Variants in NEGR1 observed in about 807,000 individuals in gnomAD.
NEGR1 encodes the protein neuronal growth regulator 1, also known as IgLON family member 4.
In NEGR1, 10 loss-of-function variants were observed where a neutral mutation model predicts 40.9. The ratio of observed to expected loss-of-function variants is 0.24; its 90% CI spans 0.15 to 0.42. The LOEUF (loss-of-function observed/expected upper bound fraction) is 0.42, where lower values mean the gene tolerates loss of function less well. NEGR1 is among the 10% of genes least tolerant of loss of function. NEGR1 has a pLI of 1.00. For missense variants in NEGR1, 352 were observed against 438.9 expected (o/e 0.80, Z 1.77); for synonymous variants, 185 against 166.8 (o/e 1.11, Z -0.84).
chr1:72,228,282 T>C (rs986308874), intron 1 of NEGR1, among the ~76,000 whole-genome samples: 1 of 152,148 alleles, frequency 6.6e-6, no homozygotes, highest in Admixed American at 6.6e-5. Context: ...GCCCATCTGT[T>C]TGAGGGCCTT....
intron 1 of NEGR1, among the ~76,000 whole-genome samples, chr1:72,041,464 G>A (rs966070069): frequency 3.0e-5 from 4 of 132,514 alleles, no homozygotes; most frequent in African/African-American, 5.7e-5. Flanking sequence ...AAAGTTGCAC[G>A]TTCCATTAAA....
chr1:71,592,674 G>A, intron 6 of NEGR1, 143 bp downstream of exon 6: 1 of 590,266 alleles, frequency 1.7e-6, no homozygotes, highest in Non-Finnish European at 2.9e-6. Context: ...GTTTCCATGT[G>A]TAAGGATTGC....
chr1:71,970,448 T>C (rs1300946513), intron 1 of NEGR1, among the ~76,000 whole-genome samples: 2 of 152,160 alleles, frequency 1.3e-5, no homozygotes, highest in African/African-American at 2.4e-5. Context: ...GCCAGCACTT[T>C]GAGAAGTTGA....
chr1:71,868,559 G>A (rs145214573), intron 2 of NEGR1, among the ~76,000 whole-genome samples: 34 of 151,898 alleles, frequency 2.2e-4, no homozygotes, highest in African/African-American at 8.2e-4. Flanking sequence ...TCACTTCCAG[G>A]AACTTGCAAG....
intron 5 of NEGR1, among the ~76,000 whole-genome samples, chr1:71,607,031 A>C (rs1369922278): frequency 6.6e-6 from 1 of 152,236 alleles, no homozygotes; most frequent in African/African-American, 2.4e-5. Context: ...CTTACATAGA[A>C]GTAAAGCGAT....
chr1:71,419,374 T>C lies in NEGR1; in HGVS notation c.941-11804A>G, dbSNP rs371004318. Among the ~76,000 whole-genome samples the C allele has an allele frequency of 1.2e-4, 18 of 152,228 alleles. No individual in the cohort carries two copies. The South Asian group carries it at 1.7e-3, about 14-fold the overall frequency. On this transcript the variant is annotated intron_variant, in intron 6 of 6. Coordinates refer to ENST00000357731, the MANE Select transcript of NEGR1 (RefSeq NM_173808.3). ...CACAGAAAATTAATTTGGATAAATA[T>C]ATCTGTTGAAAGTAAACAGTTATCT...
intron 1 of NEGR1, among the ~76,000 whole-genome samples, chr1:72,171,830 A>C (rs1031550174): frequency 2.0e-5 from 3 of 152,190 alleles, no homozygotes; most frequent in African/African-American, 7.2e-5. Flanking sequence ...AACACCAAAT[A>C]ATGTTTTAAA....
At chr1:72,273,641 T>C (rs1195502810) in intron 1 of NEGR1, among the ~76,000 whole-genome samples, 1 of 151,958 alleles carries the variant, frequency 6.6e-6, no homozygotes, top group East Asian at 1.9e-4. Context: ...AAGAATACTT[T>C]ACCTTTATTA....
intron 6 of NEGR1, among the ~76,000 whole-genome samples, chr1:71,562,316 G>T (rs1557568005): frequency 6.6e-6 from 1 of 151,810 alleles, no homozygotes; most frequent in Non-Finnish European, 1.5e-5. Flanking sequence ...AATCTAGAAA[G>T]ATCTTATTTC....
chr1:71,938,226 CA>C (rs1226953670), intron 1 of NEGR1, among the ~76,000 whole-genome samples: 1 of 151,874 alleles, frequency 6.6e-6, no homozygotes, highest in Non-Finnish European at 1.5e-5. Flanking sequence ...ATAAATAACC[CA>C]AATTACCATA....
intron 4 of NEGR1, among the ~76,000 whole-genome samples, chr1:71,627,994 G>A (rs893596389): frequency 3.3e-5 from 5 of 152,048 alleles, no homozygotes; most frequent in Non-Finnish European, 7.4e-5. Context: ...CATGTCAGGA[G>A]GGTGTTATGA....
chr1:71,694,286 A>G (rs1653398745), intron 4 of NEGR1, among the ~76,000 whole-genome samples: 2 of 151,188 alleles, frequency 1.3e-5, no homozygotes, highest in African/African-American at 4.8e-5. Flanking sequence ...ACAAGGTTTA[A>G]TTATGATAAT....
chr1:71,704,862 A>G (rs1653832672), intron 3 of NEGR1, among the ~76,000 whole-genome samples: 1 of 151,908 alleles, frequency 6.6e-6, no homozygotes, highest in South Asian at 2.1e-4. Context: ...AAATCCCTTA[A>G]CAAATTTTTG....
intron 2 of NEGR1, chr1:71,836,925 G>A (rs145511170): frequency 7.0e-4 from 107 of 152,232 alleles, no homozygotes; most frequent in African/African-American, 2.5e-3. Flanking sequence ...AAGCAAGAGA[G>A]GAAGGACAGG....
intron 1 of NEGR1, among the ~76,000 whole-genome samples, chr1:72,223,745 G>A (rs1654086304): frequency 6.6e-6 from 1 of 152,022 alleles, no homozygotes; most frequent in Non-Finnish European, 1.5e-5. Context: ...TCATGATTCG[G>A]TGATCAAATA....
chr1:71,910,560 T>C (rs768389847), intron 2 of NEGR1, among the ~76,000 whole-genome samples: 3 of 152,202 alleles, frequency 2.0e-5, no homozygotes, highest in Non-Finnish European at 4.4e-5. Flanking sequence ...ATTTTTGTTT[T>C]ACAACTCTGC....
intron 1 of NEGR1, among the ~76,000 whole-genome samples, chr1:71,935,959 C>A (rs1009888687): frequency 2.0e-5 from 3 of 151,996 alleles, no homozygotes; most frequent in Admixed American, 6.6e-5. Flanking sequence ...CCACTGTGCC[C>A]AGCTAATTTT....
intron 4 of NEGR1, among the ~76,000 whole-genome samples, chr1:71,656,965 C>T (rs551917579): frequency 7.4e-4 from 113 of 152,236 alleles, no homozygotes; most frequent in Non-Finnish European, 1.4e-3. Context: ...CATAATATTG[C>T]AGCATGGATA....
intron 2 of NEGR1, among the ~76,000 whole-genome samples, chr1:71,776,633 C>T (rs988499224): frequency 3.3e-5 from 5 of 152,100 alleles, no homozygotes; most frequent in Non-Finnish European, 5.9e-5. Context: ...TGGATCCTCA[C>T]TGTATGATGT....
Sources: gnomAD v4.1 joint callset for allele counts (sites outside exome capture counted in the v4.1 genomes callset) on GRCh38, gnomAD v4.1.1 for gene constraint, MANE v1.5 for transcripts, NCBI Gene and HGNC (gene_info 2026-07-23, HGNC 2026-07-21) for gene names.